The following TMEM131L variants were observed in gnomAD, a reference collection of about 807,000 sequenced individuals.
The protein encoded by TMEM131L is transmembrane protein 131-like.
TMEM131L carries 54 observed loss-of-function variants against 192.2 expected under a neutral mutation model. That is an observed-to-expected ratio of 0.28 (90% CI 0.23 to 0.35). The LOEUF (loss-of-function observed/expected upper bound fraction) is 0.35. TMEM131L is among the 10% of genes least tolerant of loss of function. The pLI is 1.00. For synonymous variants in TMEM131L, 701 were observed against 704.9 expected, an observed-to-expected ratio of 0.99 and a Z score of 0.09; for missense variants, 1,888 against 1,972.9, an observed-to-expected ratio of 0.96 and a Z score of 0.82.
intron 25 of TMEM131L, among the ~76,000 whole-genome samples, chr4:153,610,091 G>A (rs569837893): frequency 7.7e-4 from 118 of 152,316 alleles, no homozygotes; most frequent in Non-Finnish European, 1.5e-3. Context: ...ATTCCACAGG[G>A]CTGCTGTTAG....
At chr4:153,550,628 C>T (rs1561183484) in intron 4 of TMEM131L, among the ~76,000 whole-genome samples, 1 of 152,070 alleles carries the variant, frequency 6.6e-6, no homozygotes, top group Non-Finnish European at 1.5e-5. Flanking sequence ...TCCTGGCCTT[C>T]TTTAATTTTT....
At chr4:153,626,827 A>G (rs1405483037) in intron 30 of TMEM131L, among the ~76,000 whole-genome samples, 9 of 152,222 alleles carry the variant, frequency 5.9e-5, no homozygotes. Flanking sequence ...AAAGATGGGA[A>G]TCATTTACCC....
intron 3 of TMEM131L, among the ~76,000 whole-genome samples, chr4:153,530,142 G>A (rs1356544003): frequency 6.6e-6 from 1 of 151,868 alleles, no homozygotes; most frequent in Admixed American, 6.6e-5. Flanking sequence ...TGCTGTGTTG[G>A]ATATAAGGTC....
chr4:153,577,757 T>C (rs1730054773), intron 7 of TMEM131L, among the ~76,000 whole-genome samples: 1 of 152,162 alleles, frequency 6.6e-6, no homozygotes, highest in Non-Finnish European at 1.5e-5. Context: ...GAAGCTGAAG[T>C]GAAAGGGGTT....
intron 7 of TMEM131L, among the ~76,000 whole-genome samples, chr4:153,577,042 G>C (rs542816062): frequency 1.3e-5 from 2 of 152,306 alleles, no homozygotes; most frequent in South Asian, 4.1e-4. Flanking sequence ...GGTAGAAGTT[G>C]CTGTGGTGTC....
intron 17 of TMEM131L, among the ~76,000 whole-genome samples, chr4:153,591,401 T>G (rs1434819390): frequency 2.6e-5 from 4 of 152,198 alleles, no homozygotes; most frequent in Admixed American, 6.6e-5. Flanking sequence ...TCCATAAATG[T>G]GTCAGTTAAG....
intron 29 of TMEM131L, 68 bp downstream of exon 29, chr4:153,623,151 C>T (rs1733567256): frequency 6.5e-6 from 9 of 1,389,384 alleles, no homozygotes; most frequent in Non-Finnish European, 5.8e-6. Context: ...GTACCCAGTC[C>T]ACACAGTCTC....
At chr4:153,530,091 AG>A (rs1217019606) in intron 3 of TMEM131L, among the ~76,000 whole-genome samples, 1 of 149,742 alleles carries the variant, frequency 6.7e-6, no homozygotes, top group African/African-American at 2.5e-5. Flanking sequence ...CCTTGTAGTC[AG>A]GGTCTGTGTT....
chr4:153,575,757 G>T (rs1291167406), intron 7 of TMEM131L, among the ~76,000 whole-genome samples: 2 of 152,034 alleles, frequency 1.3e-5, no homozygotes, highest in East Asian at 1.9e-4. Flanking sequence ...AGTATGGGAG[G>T]TTTCAAAACT....
chr4:153,605,721 C>T (rs528012503), intron 25 of TMEM131L, among the ~76,000 whole-genome samples: 55 of 152,198 alleles, frequency 3.6e-4, no homozygotes, highest in Non-Finnish European at 6.3e-4. Flanking sequence ...TTTGAAGCAT[C>T]TAAATATAAC....
intron 3 of TMEM131L, among the ~76,000 whole-genome samples, chr4:153,520,773 C>A (rs1383294691): frequency 6.6e-6 from 1 of 152,158 alleles, no homozygotes; most frequent in Admixed American, 6.5e-5. Context: ...GCTAGAGATT[C>A]ATGATTGGAA....
rs762431278 is a variant in TMEM131L, at chr4:153,632,845, C to T, written c.4328+7C>T. On this transcript the variant is annotated splice_region_variant and intron_variant, in intron 32 of 34. Transcript: ENST00000409959. Reference sequence around the variant, plus strand: ...CGGCCCCGGTTCATAATAGGTACAGCTTCACTTCTCTGATTGGTGCCTTGC... The same window carrying T: ...CGGCCCCGGTTCATAATAGGTACAGTTTCACTTCTCTGATTGGTGCCTTGC... The T allele has an allele frequency of 4.3e-6, 7 of 1,614,026 alleles. No homozygotes were observed. Among genetic ancestry groups the T allele is most frequent in the Non-Finnish European group, 5.9e-6 (7 of 1,179,952 alleles).
intron 31 of TMEM131L, among the ~76,000 whole-genome samples, chr4:153,628,709 A>G (rs1734015737): frequency 1.3e-5 from 2 of 152,352 alleles, no homozygotes; most frequent in South Asian, 4.1e-4. Context: ...GGCGGTTTAG[A>G]TGGTACTACC....
intron 3 of TMEM131L, among the ~76,000 whole-genome samples, chr4:153,474,660 A>G (rs1048489891): frequency 6.6e-5 from 10 of 152,148 alleles, no homozygotes; most frequent in Admixed American, 4.6e-4. Flanking sequence ...GGTTCAAGCA[A>G]TTCTCCTGCC....
intron 3 of TMEM131L, among the ~76,000 whole-genome samples, chr4:153,547,459 C>T (rs1250845006): frequency 6.6e-6 from 1 of 152,192 alleles, no homozygotes; most frequent in African/African-American, 2.4e-5. Context: ...CTTTGCTTTT[C>T]TTATTAGATG....
rs557321979 is a variant in TMEM131L, at chr4:153,618,548, C to G, written c.3568-2208C>G. ...ATAATAATGATGACGATAACTAAGT[C>G]TCATTTAAATGGCTTATGAGATGCT... On this transcript the variant is annotated intron_variant, in intron 26 of 34. Coordinates refer to ENST00000409959, the MANE Select transcript of TMEM131L (RefSeq NM_001131007.2). Among the ~76,000 whole-genome samples, 4 of 151,024 alleles carry G rather than the reference C, an allele frequency of 2.6e-5. No homozygotes were observed. The South Asian group carries it at 8.4e-4, about 32-fold the overall frequency.
intron 3 of TMEM131L, among the ~76,000 whole-genome samples, chr4:153,501,202 GTT>G (rs34750703): frequency 2.6e-4 from 33 of 127,508 alleles, no homozygotes; most frequent in East Asian, 1.2e-3. Flanking sequence ...GGTTTTGCAA[GTT>G]TTTTTTTTTT....
At chr4:153,566,508 TGTGA>T (rs1430226086) in intron 7 of TMEM131L, among the ~76,000 whole-genome samples, 1 of 121,218 alleles carries the variant, frequency 8.2e-6, no homozygotes, top group Non-Finnish European at 1.7e-5. Context: ...TGTCTTTGTG[TGTGA>T]GTGTGAGTGT....
chr4:153,505,547 G>A (rs1183892395), intron 3 of TMEM131L, among the ~76,000 whole-genome samples: 2 of 152,250 alleles, frequency 1.3e-5, no homozygotes, highest in East Asian at 1.9e-4. Flanking sequence ...AGGACTTGCA[G>A]ATAGGAATTT....
Sources: gnomAD v4.1 joint callset for allele counts (sites outside exome capture counted in the v4.1 genomes callset) on GRCh38, gnomAD v4.1.1 for gene constraint, MANE v1.5 for transcripts, NCBI Gene and HGNC (gene_info 2026-07-23, HGNC 2026-07-21) for gene names.